Variants in CDH13 observed in about 807,000 individuals in gnomAD.
CDH13 encodes cadherin-13.
In CDH13, 24 loss-of-function variants were observed where a neutral mutation model predicts 63.8. The observed-to-expected ratio is 0.38, with a 90% CI of 0.27 to 0.53. The LOEUF (loss-of-function observed/expected upper bound fraction) is 0.53, where lower values mean the gene tolerates loss of function less well. CDH13 is among the 20% of genes least tolerant of loss of function. The pLI, the probability that CDH13 is intolerant of heterozygous loss-of-function variation, is 0.85. For missense variants in CDH13, 1,049 were observed against 903.1 expected (o/e 1.16, Z -2.07); for synonymous variants, 503 against 355.3 (o/e 1.42, Z -4.67).
intron 7 of CDH13, among the ~76,000 whole-genome samples, chr16:83,527,068 C>A (rs771391634): frequency 6.6e-6 from 1 of 151,934 alleles, no homozygotes; most frequent in Admixed American, 6.6e-5. Flanking sequence ...GAGGCGGAGG[C>A]TGCTGTAAGC....
intron 1 of CDH13, among the ~76,000 whole-genome samples, chr16:82,738,561 C>A (rs2033791311): frequency 6.6e-6 from 1 of 152,316 alleles, no homozygotes; most frequent in East Asian, 1.9e-4. Context: ...GCTACCTTTT[C>A]TTAATGCACT....
chr16:83,058,811 A>G (rs1317018375), intron 3 of CDH13, among the ~76,000 whole-genome samples: 3 of 152,234 alleles, frequency 2.0e-5, no homozygotes, highest in Non-Finnish European at 2.9e-5. Context: ...CTGCTGACAC[A>G]CGCTGACCTC....
chr16:82,831,736 G>A (rs893785937), intron 1 of CDH13, among the ~76,000 whole-genome samples: 2 of 152,210 alleles, frequency 1.3e-5, no homozygotes, highest in Non-Finnish European at 2.9e-5. Context: ...GGCCAGGATT[G>A]TGAAGTCAAT....
At chr16:83,278,968 C>G (rs1279258771) in intron 5 of CDH13, among the ~76,000 whole-genome samples, 2 of 152,168 alleles carry the variant, frequency 1.3e-5, no homozygotes, top group African/African-American at 2.4e-5. Context: ...GCACACAGCA[C>G]TCTGCCTGCC....
At chr16:83,624,201 C>G (rs913470300) in intron 8 of CDH13, among the ~76,000 whole-genome samples, 1 of 152,098 alleles carries the variant, frequency 6.6e-6, no homozygotes, top group African/African-American at 2.4e-5. Flanking sequence ...AGCCCTGATG[C>G]CTTATACACA....
intron 1 of CDH13, among the ~76,000 whole-genome samples, chr16:82,822,059 C>T (rs1390607512): frequency 6.6e-6 from 1 of 152,170 alleles, no homozygotes; most frequent in East Asian, 1.9e-4. Flanking sequence ...AGACCCTGCT[C>T]CAAGGACTTT....
intron 7 of CDH13, among the ~76,000 whole-genome samples, chr16:83,501,120 C>A (rs1227165593): frequency 6.6e-6 from 1 of 152,234 alleles, no homozygotes; most frequent in Admixed American, 6.5e-5. Flanking sequence ...ATCACAGACA[C>A]ACTGACCAGC....
intron 7 of CDH13, among the ~76,000 whole-genome samples, chr16:83,572,346 G>T (rs1367670261): frequency 6.6e-6 from 1 of 152,028 alleles, no homozygotes; most frequent in Non-Finnish European, 1.5e-5. Context: ...TCATCATGTT[G>T]GTCAGGCTGG....
At chr16:83,418,175 T>C (rs1056589741) in intron 6 of CDH13, among the ~76,000 whole-genome samples, 1 of 152,246 alleles carries the variant, frequency 6.6e-6, no homozygotes, top group Non-Finnish European at 1.5e-5. Context: ...CTTACTGTGC[T>C]ACACTTTTCC....
chr16:83,174,629 A>C (rs1337509456), intron 4 of CDH13, among the ~76,000 whole-genome samples: 1 of 150,778 alleles, frequency 6.6e-6, no homozygotes, highest in Non-Finnish European at 1.5e-5. Flanking sequence ...CCTTAAGCTA[A>C]TTAAAATAAA....
At chr16:83,369,676 C>T (rs1019465999) in intron 6 of CDH13, among the ~76,000 whole-genome samples, 4 of 152,156 alleles carry the variant, frequency 2.6e-5, no homozygotes, top group African/African-American at 9.7e-5. Flanking sequence ...CCTACCACCT[C>T]AGCCTCACAT....
rs554070936 is a variant in CDH13, at chr16:83,669,264, A to T, written c.1102-1526A>T. Among the ~76,000 whole-genome samples, 8 of 152,200 alleles carry T rather than the reference A, an allele frequency of 5.3e-5. No homozygotes were observed. The South Asian group carries it at 1.7e-3, about 32-fold the overall frequency. ...ATCAGCCCCTCCAACCATAATAACC[A>T]TAATAGATTTTCATGCGCTTTAACC... On this transcript the variant is annotated intron_variant, in intron 8 of 13. Coordinates refer to ENST00000567109, the MANE Select transcript of CDH13 (RefSeq NM_001257.5).
intron 2 of CDH13, among the ~76,000 whole-genome samples, chr16:82,864,089 C>T (rs1489578016): frequency 1.3e-5 from 2 of 152,142 alleles, no homozygotes; most frequent in East Asian, 3.8e-4. Flanking sequence ...GAAAAATGCA[C>T]CAAATATTCT....
At chr16:83,611,661 T>C (rs1356589989) in intron 8 of CDH13, among the ~76,000 whole-genome samples, 1 of 152,072 alleles carries the variant, frequency 6.6e-6, no homozygotes, top group Non-Finnish European at 1.5e-5. Context: ...TTTAAGACTA[T>C]ATAAATTTTC....
chr16:82,951,206 G>T (rs1236616147), intron 2 of CDH13, among the ~76,000 whole-genome samples: 3 of 152,082 alleles, frequency 2.0e-5, no homozygotes, highest in Admixed American at 2.0e-4. Flanking sequence ...TGGAATCATT[G>T]TGAGACTGTG....
intron 3 of CDH13, among the ~76,000 whole-genome samples, chr16:83,053,557 A>T (rs151228049): frequency 6.6e-6 from 1 of 152,214 alleles, no homozygotes; most frequent in Non-Finnish European, 1.5e-5. Flanking sequence ...TTTTAAAGCA[A>T]TAGATATATG....
At chr16:82,669,127 TG>T (rs1567608441) in intron 1 of CDH13, among the ~76,000 whole-genome samples, 1 of 152,174 alleles carries the variant, frequency 6.6e-6, no homozygotes, top group East Asian at 1.9e-4. Flanking sequence ...GGCTCAGGTA[TG>T]AGCAATGCTG....
intron 2 of CDH13, among the ~76,000 whole-genome samples, chr16:82,903,563 T>G (rs566788728): frequency 8.5e-4 from 129 of 152,304 alleles, no homozygotes; most frequent in Non-Finnish European, 6.5e-4. Flanking sequence ...CTTGAACCCT[T>G]TTTTCATCCT....
At chr16:82,735,889 T>C (rs527983194) in intron 1 of CDH13, among the ~76,000 whole-genome samples, 18 of 152,320 alleles carry the variant, frequency 1.2e-4, no homozygotes, top group Admixed American at 7.2e-4. Flanking sequence ...ACAATGTGCA[T>C]GGCTTGGCTA....
Sources: allele counts gnomAD v4.1 joint callset (sites outside exome capture counted in the v4.1 genomes callset), GRCh38; gene constraint gnomAD v4.1.1; transcripts MANE v1.5; gene names NCBI Gene and HGNC (gene_info 2026-07-23, HGNC 2026-07-21).